FAM186A: variants seen among roughly 807,000 people sequenced by gnomAD.
The protein encoded by FAM186A is family with sequence similarity 186 member A.
In FAM186A, 163 loss-of-function variants were observed where a neutral mutation model predicts 216.8. The ratio of observed to expected loss-of-function variants is 0.75; its 90% CI spans 0.66 to 0.86. FAM186A has a LOEUF of 0.86. FAM186A is among the 40% of genes least tolerant of loss of function. The probability of loss-of-function intolerance (pLI) is 0.00; values close to 1 mark genes in which losing one functional copy is unlikely to be tolerated. For synonymous variants in FAM186A, 805 were observed against 1,025.3 expected, an observed-to-expected ratio of 0.79 and a Z score of 4.10; for missense variants, 2,184 against 2,746.2, an observed-to-expected ratio of 0.80 and a Z score of 4.58.
chr12:50,375,316 G>A (rs1199885602), intron 1 of FAM186A, among the ~76,000 whole-genome samples: 4 of 152,184 alleles, frequency 2.6e-5, no homozygotes, highest in South Asian at 2.1e-4. Flanking sequence ...GGGAGGCCAA[G>A]GTGGGTGGAT....
chr12:50,335,761 A>G (rs1190387931), intron 4 of FAM186A, among the ~76,000 whole-genome samples: 1 of 152,208 alleles, frequency 6.6e-6, no homozygotes, highest in Non-Finnish European at 1.5e-5. Context: ...TGTAAAAAAA[A>G]AGAAATAGAA....
chr12:50,340,892 G>T (rs1476044960), intron 4 of FAM186A, among the ~76,000 whole-genome samples: 2 of 151,354 alleles, frequency 1.3e-5, no homozygotes, highest in African/African-American at 4.9e-5. Flanking sequence ...TGCCTCCCGA[G>T]TTCAAGCGAT....
intron 1 of FAM186A, among the ~76,000 whole-genome samples, chr12:50,386,478 T>C (rs998049689): frequency 6.6e-6 from 1 of 152,100 alleles, no homozygotes; most frequent in African/African-American, 2.4e-5. Flanking sequence ...ATGCATGCAT[T>C]AAGTAGTTGG....
intron 2 of FAM186A, among the ~76,000 whole-genome samples, chr12:50,362,792 G>A (rs1321664538): frequency 2.0e-5 from 3 of 150,718 alleles, no homozygotes; most frequent in Non-Finnish European, 4.4e-5. Context: ...AAAAGTGCCA[G>A]GTGGTAGGGA....
At chr12:50,344,167 T>C (rs1942790977) in intron 4 of FAM186A, among the ~76,000 whole-genome samples, 3 of 152,056 alleles carry the variant, frequency 2.0e-5, no homozygotes, top group Admixed American at 6.6e-5. Context: ...GTTTGTTACA[T>C]GGTTATATTG....
chr12:50,384,123 A>G (rs1943280198), intron 1 of FAM186A, among the ~76,000 whole-genome samples: 1 of 152,052 alleles, frequency 6.6e-6, no homozygotes, highest in South Asian at 2.1e-4. Flanking sequence ...TCTCAAAAAA[A>G]AGAAAGAAAG....
chr12:50,362,671 G>GAGGC (rs780463685), intron 2 of FAM186A, among the ~76,000 whole-genome samples: 4 of 150,326 alleles, frequency 2.7e-5, no homozygotes, highest in Non-Finnish European at 5.9e-5. Flanking sequence ...TTGAGCCTGG[G>GAGGC]AGGCGGGAGT....
At chr12:50,390,383 T>C (rs571441902) in intron 1 of FAM186A, among the ~76,000 whole-genome samples, 81 of 152,182 alleles carry the variant, frequency 5.3e-4, no homozygotes, top group Non-Finnish European at 7.5e-4. Flanking sequence ...TGGCTCAAGT[T>C]TGGGAATTGA....
chr12:50,378,423 G>T (rs541473558), intron 1 of FAM186A, among the ~76,000 whole-genome samples: 2 of 151,146 alleles, frequency 1.3e-5, no homozygotes, highest in Non-Finnish European at 2.9e-5. Context: ...CCAGCTACTC[G>T]GGAGGCTGAG....
intron 2 of FAM186A, among the ~76,000 whole-genome samples, chr12:50,362,066 G>T (rs187636642): frequency 2.0e-5 from 3 of 151,556 alleles, no homozygotes; most frequent in Non-Finnish European, 4.4e-5. Flanking sequence ...TCCACCTCCC[G>T]GGTTCAAACA....
At position 50,353,869 on chromosome 12, in the gene FAM186A, A is replaced by G. The variant is rs1942940652; in HGVS notation, c.2963T>C (p.Met988Thr). The change falls in exon 4 of 8, where the codon ATG becomes ACG. Residue 988 changes from methionine (M) to threonine (T), a missense_variant. By Grantham distance (81) the Met-to-Thr change is moderately conservative. Transcript: ENST00000327337. The stretch of plus-strand genomic sequence containing the variant: ...TTTAGGTTGTGTTTCCTTCATCTGC[A>G]TCTGATCCTTTGTTTTGATCTGCCT... The part of the protein sequence containing the change: ...LERQIKTKDQ[M>T]QMKETQPKEL... 1 of 1,551,594 alleles carries G rather than the reference A, an allele frequency of 6.4e-7. No individual in the cohort carries two copies. The highest frequency in any genetic ancestry group is 8.7e-7 in the Non-Finnish European group (1 of 1,147,010).
intron 6 of FAM186A, among the ~76,000 whole-genome samples, chr12:50,331,414 C>CT (rs951263563): frequency 4.6e-5 from 7 of 151,978 alleles, no homozygotes; most frequent in African/African-American, 7.2e-5. Flanking sequence ...TAATTTTGTA[C>CT]TTTTTTTAGT....
chr12:50,392,256 G>GTTGTTTGT (rs147405662), intron 1 of FAM186A: 87 of 168,790 alleles, frequency 5.2e-4, no homozygotes, highest in East Asian at 1.7e-3. Flanking sequence ...TCACAGGTTT[G>GTTGTTTGT]TTGTTTGTTT....
intron 1 of FAM186A, among the ~76,000 whole-genome samples, chr12:50,385,623 G>A (rs59692801): frequency 4.7e-5 from 7 of 150,414 alleles, no homozygotes; most frequent in East Asian, 2.0e-4. Context: ...CAAACTTGCC[G>A]GGCGTGGTGG....
intron 1 of FAM186A, among the ~76,000 whole-genome samples, chr12:50,384,012 C>T (rs1007911950): frequency 5.3e-5 from 8 of 151,704 alleles, no homozygotes; most frequent in African/African-American, 1.2e-4. Context: ...CAGCTACTCA[C>T]GAGGCTGAGG....
rs1206076057 is a variant in FAM186A, at chr12:50,355,172, A to G, written c.1660T>C (p.Ser554Pro). 3.2e-6 allele frequency: 5 copies of G among 1,551,552 alleles called. No homozygotes were observed. The change falls in exon 4 of 8, where the codon TCT becomes CCT. Residue 554 changes from serine (S) to proline (P), a missense_variant. Transcript: ENST00000327337. ...LEQFRKVKRE[S>P]PFDKRPTAAE... Reference sequence around the variant, plus strand: ...GCAGTTGGACGTTTGTCAAATGGAGATTCACGTTTGACCTTCCTAAATTGC... The same window carrying G: ...GCAGTTGGACGTTTGTCAAATGGAGGTTCACGTTTGACCTTCCTAAATTGC...
At chr12:50,344,163 T>C (rs1374051909) in intron 4 of FAM186A, among the ~76,000 whole-genome samples, 1 of 152,118 alleles carries the variant, frequency 6.6e-6, no homozygotes, top group Non-Finnish European at 1.5e-5. Flanking sequence ...GCAGGTTTGT[T>C]ACATGGTTAT....
chr12:50,386,409 G>A (rs186410335), intron 1 of FAM186A, among the ~76,000 whole-genome samples: 1 of 152,200 alleles, frequency 6.6e-6, no homozygotes, highest in Admixed American at 6.6e-5. Flanking sequence ...GAGACAGAGT[G>A]AGATCCTGTC....
rs1262200800 is a variant in FAM186A, at chr12:50,353,135, G to A, written c.3697C>T (p.Leu1233Phe). 4 of 1,497,216 alleles carry A rather than the reference G, an allele frequency of 2.7e-6. No homozygotes were observed. The highest frequency in any genetic ancestry group is 3.6e-6 in the Non-Finnish European group (4 of 1,114,620). 92.7% of individuals were successfully genotyped at this position (1,497,216 alleles called of 1,614,324 possible). The change falls in exon 4 of 8, where the codon CTT becomes TTT. Residue 1233 changes from leucine (L) to phenylalanine (F), a missense_variant. Leu to Phe is a conservative substitution (Grantham distance 22, BLOSUM62 0). Coordinates refer to ENST00000327337, the MANE Select transcript of FAM186A (RefSeq NM_001145475.3). ...ATCCCCAATTGCTGGGCCTGCTGAA[G>A]GGTTAGAGTGATCCCCAGGGCCTGG... is the stretch of plus-strand genomic sequence containing the variant. ...QAQALGITLT[L>F]QQAQQLGIPL...
Sources: gnomAD v4.1 joint callset for allele counts (sites outside exome capture counted in the v4.1 genomes callset) on GRCh38, gnomAD v4.1.1 for gene constraint, MANE v1.5 for transcripts, NCBI Gene and HGNC (gene_info 2026-07-23, HGNC 2026-07-21) for gene names.